Variants in NUMBL observed in about 807,000 individuals in gnomAD.
NUMBL encodes the protein NUMB like endocytic adaptor protein.
In NUMBL, 20 loss-of-function variants were observed where a neutral mutation model predicts 48.9. That is an observed-to-expected ratio of 0.41 (90% CI 0.29 to 0.59). The LOEUF (loss-of-function observed/expected upper bound fraction) is 0.59. Among genes scored for constraint, NUMBL ranks in the 20% least tolerant of loss-of-function variants. The pLI is 0.31. For missense variants in NUMBL, 660 were observed against 846.2 expected, an observed-to-expected ratio of 0.78 and a Z score of 2.73; for synonymous variants, 340 against 348.7, an observed-to-expected ratio of 0.98 and a Z score of 0.28.
rs973473185 is a variant in NUMBL at position 40,683,113 on chromosome 19, C to T, written c.250-145G>A. 8.1e-6 allele frequency: 6 copies of T among 743,162 alleles called. No homozygotes were observed. The Admixed American group carries it at 1.2e-4, about 15-fold the overall frequency. 46.0% of individuals were successfully genotyped at this position (743,162 alleles called of 1,614,324 possible). On this transcript the variant is annotated intron_variant, in intron 3 of 9. Coordinates refer to ENST00000252891, the MANE Select transcript of NUMBL (RefSeq NM_004756.5). ...TCATTTATTCTGCATCTCAACTCTA[C>T]AAGGTGGAGACCCCATTCCTGGTCT...
intron 2 of NUMBL, chr19:40,684,780 G>T: frequency 1.8e-6 from 1 of 569,364 alleles, no homozygotes; most frequent in Non-Finnish European, 3.0e-6. Flanking sequence ...TGGGCACTGG[G>T]GATTCAGAAC....
Position 40,673,498 on chromosome 19 carries a change from A to G in NUMBL, c.882T>C (p.His294=), listed in dbSNP as rs112046233. The part of the protein sequence containing the change: ...GTTAAAIPRR[H]APLEQLVRQG... ...GGCGAACCAGCTGCTCCAGGGGTGCATGGCGCCGGGGGATGGCGGCCGCAG... is the reference window on the plus strand; with the variant it reads ...GGCGAACCAGCTGCTCCAGGGGTGCGTGGCGCCGGGGGATGGCGGCCGCAG... Residue 294 remains histidine, a synonymous_variant, in exon 8 of 10, where the codon CAT becomes CAC. Transcript: ENST00000252891. The surrounding 1 kb of genome is among the most constrained non-coding windows in gnomAD (Gnocchi z 5.9). 8 of 1,585,916 alleles carry G rather than the reference A, an allele frequency of 5.0e-6. No individual in the cohort carries two copies. The East Asian group carries it at 7.0e-5, about 14-fold the overall frequency.
chr19:40,671,376 G>T (rs995435054), intron 8 of NUMBL, among the ~76,000 whole-genome samples: 2 of 36,082 alleles, frequency 5.5e-5, no homozygotes, highest in Non-Finnish European at 9.8e-5. Context: ...ACATGTGTGT[G>T]GGGGGGTGCA....
chr19:40,686,756 T>A (rs932184072), intron 2 of NUMBL, among the ~76,000 whole-genome samples, 155 bp downstream of exon 2: 8 of 152,208 alleles, frequency 5.3e-5, no homozygotes, highest in Non-Finnish European at 1.2e-4. Flanking sequence ...GGTCTGTGCA[T>A]GAGTGGGGCT....
In NUMBL at chr19:40,686,923, T is replaced by C. The variant is rs1012368246; in HGVS notation, c.97A>G (p.Arg33Gly). 2 of 1,543,132 alleles carry C rather than the reference T, an allele frequency of 1.3e-6. No individual in the cohort carries two copies. The highest frequency in any genetic ancestry group is 1.8e-6 in the Non-Finnish European group (2 of 1,140,096). ...GCTGGTCGCTCACCTGGCTCCGTCC[T>C]GCAGGTTTCTGGGGGCCCCGGGGCC... ...CGAPGPPETC[R>G]TEPDGAGTMN... Residue 33 changes from arginine (R) to glycine (G), a missense_variant, in exon 2 of 10, where the codon AGG becomes GGG. Transcript: ENST00000252891.
chr19:40,679,128 G>T lies in NUMBL; in HGVS notation c.541-1707C>A, dbSNP rs10414432. On this transcript the variant is annotated intron_variant, in intron 6 of 9. Coordinates refer to ENST00000252891, the MANE Select transcript of NUMBL (RefSeq NM_004756.5). ...TGAACCACTGATACAAGCAGCTCACGCCTGTAATCCGAGCACTTTGGGAGG... is the reference window on the plus strand; with the variant it reads ...TGAACCACTGATACAAGCAGCTCACTCCTGTAATCCGAGCACTTTGGGAGG... Among the ~76,000 whole-genome samples the T allele has an allele frequency of 1.2e-3, 175 of 151,976 alleles. 1 individual carries two copies. Among genetic ancestry groups the T allele is most frequent in the African/African-American group, 3.9e-3 (161 of 41,470 alleles).
rs2081939526 is a variant in NUMBL at position 40,687,180 on chromosome 19, A to G, written c.25-185T>C. 6.6e-6 allele frequency among the ~76,000 whole-genome samples: 1 copy of G among 152,154 alleles called. No homozygotes were observed. The highest frequency in any genetic ancestry group is 2.4e-5 in the African/African-American group (1 of 41,434). ...TGGTTCCAAGGGCCCAGGAAGGAGT[A>G]GGTATGTTTGGGGGGCATATGTTGG... On this transcript the variant is annotated intron_variant, in intron 1 of 9. Coordinates refer to ENST00000252891, the MANE Select transcript of NUMBL (RefSeq NM_004756.5). The surrounding 1 kb of genome is among the most constrained non-coding windows in gnomAD (Gnocchi z 4.6).
Position 40,686,559 on chromosome 19 carries a change from T to A in NUMBL, c.109+352A>T, listed in dbSNP as rs2081935557. Among the ~76,000 whole-genome samples, 4 of 151,746 alleles carry A rather than the reference T, an allele frequency of 2.6e-5. No individual in the cohort carries two copies. In the South Asian group the frequency reaches 8.3e-4, roughly 32 times the overall value. Reference sequence around the variant, plus strand: ...TGGGTGTTGTCTAGGAATGTGTGTGTGTGTATATATGTGTGTACATTAGTG... The same window carrying A: ...TGGGTGTTGTCTAGGAATGTGTGTGAGTGTATATATGTGTGTACATTAGTG... On this transcript the variant is annotated intron_variant, in intron 2 of 9. Coordinates refer to ENST00000252891, the MANE Select transcript of NUMBL (RefSeq NM_004756.5).
Position 40,668,643 on chromosome 19 carries a change from A to G in NUMBL, c.1160-505T>C, listed in dbSNP as rs142629981. 2.5e-3 allele frequency among the ~76,000 whole-genome samples: 387 copies of G among 152,088 alleles called. 1 individual carries two copies. Among genetic ancestry groups the G allele is most frequent in the African/African-American group, 9.2e-3 (380 of 41,494 alleles). ...CCGGCTGATTTTTTGTATTTTTAGT[A>G]GAGGCGAGGTTTCAACATGTTGCCC... is the stretch of plus-strand genomic sequence containing the variant. On this transcript the variant is annotated intron_variant, in intron 9 of 9. Transcript: ENST00000252891.
intron 5 of NUMBL, among the ~76,000 whole-genome samples, chr19:40,681,848 T>G (rs1043729224): frequency 1.7e-4 from 26 of 151,996 alleles, no homozygotes; most frequent in African/African-American, 6.3e-4. Flanking sequence ...AATTTTTGTA[T>G]TTTTAGTAGA....
chr19:40,690,561 G>GCGGCAGCTCGGTCTGACGC lies in NUMBL; in HGVS notation c.-97_-79dup. On this transcript the variant is annotated 5_prime_UTR_variant, in exon 1 of 10. Transcript: ENST00000252891. ...GACTGCTGCTGCTGCGGTGGTGGCG[G>GCGGCAGCTCGGTCTGACGC]CGGCAGCTCGGTCTGACGCCGGCCA... The GCGGCAGCTCGGTCTGACGC allele has an allele frequency of 1.1e-6, 1 of 938,768 alleles. No homozygotes were observed. The allele number at this position is 938,768 out of a possible 1,614,324, so 58.2% of individuals were successfully genotyped here. A position where few individuals can be genotyped will look rare whatever the true frequency, so the allele number is the denominator to read the frequency against.
chr19:40,680,777 G>A (rs1444878710), intron 6 of NUMBL, 140 bp downstream of exon 6: 14 of 952,744 alleles, frequency 1.5e-5, no homozygotes, highest in Non-Finnish European at 1.8e-5. Context: ...ATTGGGAACC[G>A]TGAGTATACT....
At chr19:40,677,128 C>G in intron 7 of NUMBL, 104 bp downstream of exon 7, 1 of 1,274,322 alleles carries the variant, frequency 7.8e-7, no homozygotes, top group South Asian at 1.4e-5. Context: ...GCATCCCCTA[C>G]TTTGTAAACT....
In NUMBL at chr19:40,684,565, A is replaced by G; in HGVS notation, c.110-9T>C. On this transcript the variant is annotated splice_polypyrimidine_tract_variant and intron_variant, in intron 2 of 9. Coordinates refer to ENST00000252891, the MANE Select transcript of NUMBL (RefSeq NM_004756.5). ...CATGGTGCCCGCCCCGTCTGGTGAC[A>G]CAGGACAGTGATGTGGGTCAAGGGT... The G allele has an allele frequency of 1.2e-6, 2 of 1,602,804 alleles. No homozygotes were observed. Among genetic ancestry groups the G allele is most frequent in the East Asian group, 2.2e-5 (1 of 44,460 alleles).
intron 3 of NUMBL, chr19:40,684,194 CAGT>C (rs1186758445): frequency 2.0e-6 from 1 of 511,460 alleles, no homozygotes; most frequent in Non-Finnish European, 3.5e-6. Context: ...TCAGCCTCCC[CAGT>C]AGCTGGGACT....
chr19:40,669,988 T>C lies in NUMBL; in HGVS notation c.1069A>G (p.Ser357Gly), dbSNP rs1415044189. The change falls in exon 9 of 10, where the codon AGT becomes GGT. Residue 357 changes from serine to glycine, a missense_variant. By Grantham distance (56) the Ser-to-Gly change is moderately conservative. Around this residue, in one of 3 missense-constraint regions of NUMBL, gnomAD observed 296 missense variants for 339.7 expected, o/e 0.87. Transcript: ENST00000252891. ...PEMEPPGAGD[S>G]DSINALCTQI... ...GTGCACAGAGCGTTGATGCTGTCACTGTCGCCGGCACCAGGAGGCTCCATC... is the reference window on the plus strand; with the variant it reads ...GTGCACAGAGCGTTGATGCTGTCACCGTCGCCGGCACCAGGAGGCTCCATC... 2 of 1,613,854 alleles carry C rather than the reference T, an allele frequency of 1.2e-6. No homozygotes were observed. Among genetic ancestry groups the C allele is most frequent in the Non-Finnish European group, 1.7e-6 (2 of 1,179,932 alleles).
chr19:40,680,388 G>C (rs549369102), intron 6 of NUMBL, among the ~76,000 whole-genome samples: 7 of 151,754 alleles, frequency 4.6e-5, no homozygotes, highest in African/African-American at 1.7e-4. Flanking sequence ...GACCTCAGGT[G>C]ATCTGCCTGC....
rs765062698 is a variant in NUMBL at position 40,682,986 on chromosome 19, G to T, written c.250-18C>A. The T allele has an allele frequency of 3.1e-5, 34 of 1,095,874 alleles. No individual in the cohort carries two copies. The highest frequency in any genetic ancestry group is 9.5e-5 in the South Asian group (6 of 63,112). The allele number at this position is 1,095,874 out of a possible 1,614,324, so 67.9% of individuals were successfully genotyped here. On this transcript the variant is annotated intron_variant, in intron 3 of 9. Coordinates refer to ENST00000252891, the MANE Select transcript of NUMBL (RefSeq NM_004756.5). The surrounding 1 kb of genome is among the most constrained non-coding windows in gnomAD (Gnocchi z 4.0). The stretch of plus-strand genomic sequence containing the variant: ...CCCAGGTACTTGGGTTGGAGGGAAT[G>T]GGGGGGGGGACATGAAACAGCACAG...
At position 40,682,869 on chromosome 19, in the gene NUMBL, C is replaced by T; in HGVS notation, c.324+25G>A. On this transcript the variant is annotated intron_variant, in intron 4 of 9. Coordinates refer to ENST00000252891, the MANE Select transcript of NUMBL (RefSeq NM_004756.5). This position sits in a 1 kb window ranked among gnomAD's most constrained non-coding sequence, Gnocchi z 4.0. The stretch of plus-strand genomic sequence containing the variant: ...CTCTCCCTGTCTGACCTTGCCCCCT[C>T]CCTCATGGCAGCCCCCTCACTCACC... 1 of 1,614,100 alleles carries T rather than the reference C, an allele frequency of 6.2e-7. No individual in the cohort carries two copies. The highest frequency in any genetic ancestry group is 8.5e-7 in the Non-Finnish European group (1 of 1,179,996).
Sources: gnomAD v4.1 joint callset for allele counts (sites outside exome capture counted in the v4.1 genomes callset) on GRCh38, gnomAD v4.1.1 for gene constraint, gnomAD v4.1.1 regional missense constraint, Gnocchi (gnomAD v3.1) non-coding constraint, MANE v1.5 for transcripts, NCBI Gene and HGNC (gene_info 2026-07-23, HGNC 2026-07-21) for gene names.